RTTN: variants seen among roughly 807,000 people sequenced by gnomAD.
RTTN encodes rotatin.
A neutral mutation model predicts 269.2 loss-of-function variants in RTTN; 182 were observed. The ratio of observed to expected loss-of-function variants is 0.68; its 90% CI spans 0.60 to 0.76. The LOEUF (loss-of-function observed/expected upper bound fraction) is 0.76, where lower values mean the gene tolerates loss of function less well. RTTN is among the 30% of genes least tolerant of loss of function. The pLI, the probability that RTTN is intolerant of heterozygous loss-of-function variation, is 0.00. For synonymous variants in RTTN, 1,006 were observed against 963.5 expected (o/e 1.04, Z -0.82); for missense variants, 2,545 against 2,608.6 (o/e 0.98, Z 0.53).
intron 11 of RTTN, among the ~76,000 whole-genome samples, 178 bp from the exon 12 acceptor site, chr18:70,169,245 CTCTG>C (rs2061073354): frequency 6.6e-6 from 1 of 152,124 alleles, no homozygotes; most frequent in Non-Finnish European, 1.5e-5. Flanking sequence ...CTACCTCTAT[CTCTG>C]TCTTTTTTCA....
At chr18:70,076,898 T>A (rs1381299375) in intron 32 of RTTN, among the ~76,000 whole-genome samples, 1 of 27,024 alleles carries the variant, frequency 3.7e-5, no homozygotes, top group Non-Finnish European at 2.0e-4. Context: ...AATGAAGTAT[T>A]CACCCAAAAT....
At position 70,142,181 on chromosome 18, in the gene RTTN, C is replaced by G. The variant is rs544280162; in HGVS notation, c.2581+107G>C. 1.8e-4 allele frequency: 126 copies of G among 690,528 alleles called. 2 individuals carry two copies. In the South Asian group the frequency reaches 2.3e-3, roughly 12 times the overall value. 42.8% of individuals were successfully genotyped at this position (690,528 alleles called of 1,614,324 possible). ...GGGCTGTCAAAAAAAAGGCCACAGG[C>G]TGGATCTGGCGCATAAACCATAGTT... On this transcript the variant is annotated intron_variant, in intron 19 of 48. Coordinates refer to ENST00000640769, the MANE Select transcript of RTTN (RefSeq NM_173630.4).
intron 36 of RTTN, among the ~76,000 whole-genome samples, chr18:70,058,290 G>A (rs958611117): frequency 6.6e-6 from 1 of 152,232 alleles, no homozygotes; most frequent in African/African-American, 2.4e-5. Context: ...GCCAAGGTGG[G>A]TGGATCACCT....
chr18:70,164,135 T>C (rs1197190102), intron 14 of RTTN, among the ~76,000 whole-genome samples: 1 of 152,112 alleles, frequency 6.6e-6, no homozygotes, highest in Non-Finnish European at 1.5e-5. Context: ...ATGGTGATGA[T>C]GGTACAACAA....
chr18:70,056,438 T>C (rs535480179), intron 37 of RTTN, among the ~76,000 whole-genome samples: 108 of 152,234 alleles, frequency 7.1e-4, no homozygotes, highest in Non-Finnish European at 1.3e-3. Flanking sequence ...GAAGATTACA[T>C]GAATTAACAA....
intron 14 of RTTN, among the ~76,000 whole-genome samples, chr18:70,160,617 G>A (rs539540121): frequency 7.0e-6 from 1 of 143,876 alleles, no homozygotes; most frequent in South Asian, 2.2e-4. Context: ...AATAGGAAGA[G>A]GAAGTTAAAC....
At chr18:70,121,386 T>C (rs2059733627) in intron 26 of RTTN, among the ~76,000 whole-genome samples, 170 bp downstream of exon 26, 1 of 152,202 alleles carries the variant, frequency 6.6e-6, no homozygotes, top group Admixed American at 6.5e-5. Context: ...AATAAACACA[T>C]TCACAATCGT....
chr18:70,077,308 A>G (rs568589775), intron 32 of RTTN, among the ~76,000 whole-genome samples: 1 of 152,122 alleles, frequency 6.6e-6, no homozygotes, highest in African/African-American at 2.4e-5. Context: ...ACCACAACCC[A>G]AAATTCACAA....
intron 40 of RTTN, among the ~76,000 whole-genome samples, chr18:70,034,366 C>T (rs2057110013): frequency 6.6e-6 from 1 of 152,180 alleles, no homozygotes; most frequent in Admixed American, 6.5e-5. Flanking sequence ...AACAAGAAGG[C>T]TTTATCCCTA....
rs138212827 is a variant in RTTN, at chr18:70,101,005, T to A, written c.3904-8201A>T. 5.0e-3 allele frequency among the ~76,000 whole-genome samples: 764 copies of A among 152,306 alleles called. 6 individuals are homozygous for A. Among genetic ancestry groups the A allele is most frequent in the African/African-American group, 0.017 (724 of 41,568 alleles). The stretch of plus-strand genomic sequence containing the variant: ...AGTATTTTATTGAGGATTTTTGCAC[T>A]GATGTTCATCAGGGATATGGTCTAA... On this transcript the variant is annotated intron_variant, in intron 28 of 48. Transcript: ENST00000640769.
chr18:70,088,787 G>T (rs1174144916), intron 30 of RTTN, among the ~76,000 whole-genome samples: 2 of 152,082 alleles, frequency 1.3e-5, no homozygotes, highest in Admixed American at 1.3e-4. Context: ...TTGTCAAGTA[G>T]TAAGTCCAAG....
chr18:70,067,163 A>AT (rs71178843), intron 34 of RTTN, among the ~76,000 whole-genome samples: 112,478 of 144,832 alleles, frequency 0.78, 48,103 homozygotes, highest in East Asian at 0.99. Flanking sequence ...AAGCTTGTTT[A>AT]TTTTTTTTTT....
intron 21 of RTTN, among the ~76,000 whole-genome samples, chr18:70,137,118 C>G (rs1224948258): frequency 6.6e-6 from 1 of 152,060 alleles, no homozygotes; most frequent in African/African-American, 2.4e-5. Context: ...AAAATGAAAA[C>G]TTTTAGAATT....
intron 32 of RTTN, among the ~76,000 whole-genome samples, chr18:70,081,425 T>C (rs927219049): frequency 6.6e-6 from 1 of 152,134 alleles, no homozygotes; most frequent in African/African-American, 2.4e-5. Context: ...AAGAAAAAAC[T>C]GTAACTTTAC....
At chr18:70,084,188 C>G (rs1036051610) in intron 32 of RTTN, among the ~76,000 whole-genome samples, 3 of 150,324 alleles carry the variant, frequency 2.0e-5, no homozygotes, top group African/African-American at 7.4e-5. Context: ...AGACTGCAGG[C>G]AGGAAAACAA....
chr18:70,158,669 A>G (rs1429926596), intron 14 of RTTN, among the ~76,000 whole-genome samples: 2 of 152,172 alleles, frequency 1.3e-5, no homozygotes, highest in South Asian at 4.2e-4. Flanking sequence ...ATAAAGAACC[A>G]AGACCCAACT....
In RTTN at chr18:70,183,668, A is replaced by G. The variant is rs545830071; in HGVS notation, c.1305+4440T>C. On this transcript the variant is annotated intron_variant, in intron 10 of 48. Transcript: ENST00000640769. The stretch of plus-strand genomic sequence containing the variant: ...TGAGCTGTTCTGGCTTCTATCTACT[A>G]GAAGCCAGCAGCACCACTCCAGGTG... 7.2e-5 allele frequency among the ~76,000 whole-genome samples: 11 copies of G among 152,306 alleles called. No individual in the cohort carries two copies. The South Asian group carries it at 1.9e-3, about 26-fold the overall frequency.
At chr18:70,053,941 T>G (rs576126889) in intron 38 of RTTN, among the ~76,000 whole-genome samples, 190 bp downstream of exon 38, 13 of 152,348 alleles carry the variant, frequency 8.5e-5, no homozygotes, top group African/African-American at 3.1e-4. Flanking sequence ...AGTCCTTTAT[T>G]ATACTACACA....
intron 30 of RTTN, among the ~76,000 whole-genome samples, chr18:70,089,610 G>A (rs1386664004): frequency 2.0e-5 from 3 of 152,156 alleles, no homozygotes; most frequent in Non-Finnish European, 4.4e-5. Flanking sequence ...GTTTTGAGGT[G>A]GATGCCAGAA....
Sources: allele counts gnomAD v4.1 joint callset (sites outside exome capture counted in the v4.1 genomes callset), GRCh38; gene constraint gnomAD v4.1.1; transcripts MANE v1.5; gene names NCBI Gene and HGNC (gene_info 2026-07-23, HGNC 2026-07-21).